ZNF827: variants seen among roughly 807,000 people sequenced by gnomAD.
ZNF827 encodes zinc finger protein 827.
Under a neutral mutation model 102.4 loss-of-function variants are expected in ZNF827, and 13 were observed. The observed-to-expected ratio is 0.13, with a 90% CI of 0.08 to 0.20. The LOEUF (loss-of-function observed/expected upper bound fraction) is 0.20, where lower values mean the gene tolerates loss of function less well. Ranked by LOEUF, ZNF827 falls within the 10% of genes least tolerant of loss-of-function variation. ZNF827 has a pLI of 1.00. For synonymous variants in ZNF827, 523 were observed against 536.2 expected (o/e 0.98, Z 0.34); for missense variants, 1,103 against 1,344.4 (o/e 0.82, Z 2.81).
intron 5 of ZNF827, among the ~76,000 whole-genome samples, chr4:145,857,004 C>CAT (rs1165576085): frequency 4.6e-5 from 7 of 152,314 alleles, no homozygotes; most frequent in Non-Finnish European, 1.5e-5. Context: ...CACACACACA[C>CAT]ACACACTCTT....
intron 7 of ZNF827, among the ~76,000 whole-genome samples, chr4:145,823,935 C>T (rs941519578): frequency 2.0e-5 from 3 of 152,222 alleles, no homozygotes; most frequent in African/African-American, 7.2e-5. Context: ...TATTCTGTCA[C>T]CTGATCCCTC....
chr4:145,798,653 A>G (rs192974491), intron 8 of ZNF827, among the ~76,000 whole-genome samples: 37 of 152,236 alleles, frequency 2.4e-4, no homozygotes, highest in Admixed American at 4.6e-4. Flanking sequence ...GGTGACAAGA[A>G]TAAGATTTGT....
intron 1 of ZNF827, among the ~76,000 whole-genome samples, chr4:145,920,253 G>T (rs1202372447): frequency 6.6e-6 from 1 of 152,204 alleles, no homozygotes; most frequent in African/African-American, 2.4e-5. Flanking sequence ...AAGAAGACAG[G>T]AAACTTCTGG....
chr4:145,844,407 C>T (rs1317554803), intron 7 of ZNF827, among the ~76,000 whole-genome samples: 3 of 149,208 alleles, frequency 2.0e-5, no homozygotes, highest in East Asian at 4.2e-4. Flanking sequence ...GAGCGAATCA[C>T]GGTGGCTCAC....
At chr4:145,863,845 T>C (rs1206585245) in intron 5 of ZNF827, among the ~76,000 whole-genome samples, 1 of 152,172 alleles carries the variant, frequency 6.6e-6, no homozygotes, top group Non-Finnish European at 1.5e-5. Flanking sequence ...ATATACTAAA[T>C]ATCATTGAAT....
chr4:145,783,019 T>G (rs960294934), intron 8 of ZNF827, among the ~76,000 whole-genome samples: 1 of 152,202 alleles, frequency 6.6e-6, no homozygotes, highest in Non-Finnish European at 1.5e-5. Context: ...TTATGAATAT[T>G]TCCGTTGTAC....
At chr4:145,884,552 C>T (rs975463570) in intron 4 of ZNF827, among the ~76,000 whole-genome samples, 1 of 152,136 alleles carries the variant, frequency 6.6e-6, no homozygotes, top group African/African-American at 2.4e-5. Flanking sequence ...CTTTCCCCAC[C>T]CCCTACATCT....
At chr4:145,828,887 C>G (rs569172839) in intron 7 of ZNF827, among the ~76,000 whole-genome samples, 14 of 152,242 alleles carry the variant, frequency 9.2e-5, no homozygotes, top group Non-Finnish European at 1.9e-4. Context: ...TGCTAAGTGC[C>G]TATTGTGACA....
intron 8 of ZNF827, among the ~76,000 whole-genome samples, chr4:145,820,551 T>G (rs72723879): frequency 0.022 from 3,370 of 152,322 alleles, 55 homozygotes; most frequent in Non-Finnish European, 0.035. Context: ...ACCTAGTCAC[T>G]AAAGCCAGCT....
chr4:145,765,083 C>G lies in ZNF827; in HGVS notation c.3135G>C (p.Arg1045=). The change falls in exon 13 of 15, where the codon CGG becomes CGC. Residue 1045 remains arginine (R), a synonymous_variant. Coordinates refer to ENST00000508784, the MANE Select transcript of ZNF827 (RefSeq NM_001306215.2). The surrounding 1 kb of genome is among the most constrained non-coding windows in gnomAD (Gnocchi z 4.7). ...TGTGGCACACATCACACTCAAACAT[C>G]CGGGTGATGAGGTGTATCTGCAGAT... is the stretch of plus-strand genomic sequence containing the variant. The part of the protein sequence containing the change: ...ERHLQIHLIT[R]MFECDVCHKF... The G allele has an allele frequency of 6.2e-7, 1 of 1,614,230 alleles. No individual in the cohort carries two copies. Among genetic ancestry groups the G allele is most frequent in the Non-Finnish European group, 8.5e-7 (1 of 1,180,052 alleles).
At chr4:145,848,939 C>G (rs1406360103) in intron 6 of ZNF827, among the ~76,000 whole-genome samples, 1 of 151,994 alleles carries the variant, frequency 6.6e-6, no homozygotes, top group Non-Finnish European at 1.5e-5. Flanking sequence ...ATTTGGAAGT[C>G]ATAGTAATTC....
intron 1 of ZNF827, among the ~76,000 whole-genome samples, chr4:145,916,770 A>G (rs1752695408): frequency 6.6e-6 from 1 of 152,136 alleles, no homozygotes; most frequent in Admixed American, 6.6e-5. Context: ...TACTATATGA[A>G]GTTAATAGAA....
In ZNF827 at chr4:145,879,841, A is replaced by G. The variant is rs1296815647; in HGVS notation, c.1747+5837T>C. Among the ~76,000 whole-genome samples the G allele has an allele frequency of 1.3e-5, 2 of 152,182 alleles. 1 individual carries two copies. The stretch of plus-strand genomic sequence containing the variant: ...TCCACAACGCACAAGAAGGGCAGAG[A>G]ACAGAGCCGAGTTCCTGTTTTGCTG... On this transcript the variant is annotated intron_variant, in intron 4 of 14. Transcript: ENST00000508784.
chr4:145,905,254 T>C (rs1375422082), intron 1 of ZNF827, among the ~76,000 whole-genome samples: 6 of 152,156 alleles, frequency 3.9e-5, no homozygotes, highest in Non-Finnish European at 8.8e-5. Flanking sequence ...TTGTGCCAAG[T>C]TTTGCCATAT....
Position 145,764,980 on chromosome 4 carries a change from T to C in ZNF827, c.3230+8A>G. The C allele has an allele frequency of 6.2e-7, 1 of 1,611,810 alleles. No homozygotes were observed. The highest frequency in any genetic ancestry group is 8.5e-7 in the Non-Finnish European group (1 of 1,178,760). On this transcript the variant is annotated splice_region_variant and intron_variant, in intron 13 of 14. Coordinates refer to ENST00000508784, the MANE Select transcript of ZNF827 (RefSeq NM_001306215.2). ...CGCAGTAAAAGGTTCTGTACTTGCT[T>C]TCCTTACTTGAGCCCACCGGTGGGG...
At chr4:145,839,112 TTTC>T (rs777633081) in intron 7 of ZNF827, 3 of 152,234 alleles carry the variant, frequency 2.0e-5, no homozygotes, top group Non-Finnish European at 4.4e-5. Context: ...TGTTTAGTAT[TTTC>T]TTCTTTGAAA....
intron 5 of ZNF827, among the ~76,000 whole-genome samples, chr4:145,858,588 G>T (rs1747398654): frequency 6.7e-6 from 1 of 149,350 alleles, no homozygotes; most frequent in African/African-American, 2.5e-5. Context: ...GCTGTAGTGA[G>T]TTGTAATTGT....
chr4:145,811,058 C>G (rs1741960361), intron 8 of ZNF827, among the ~76,000 whole-genome samples: 1 of 150,716 alleles, frequency 6.6e-6, no homozygotes, highest in South Asian at 2.1e-4. Context: ...GTGGCACAAT[C>G]CTGGCTCACT....
intron 8 of ZNF827, among the ~76,000 whole-genome samples, chr4:145,814,244 A>G (rs1742340277): frequency 6.6e-6 from 1 of 152,214 alleles, no homozygotes; most frequent in South Asian, 2.1e-4. Flanking sequence ...GATAAGGGAT[A>G]CTCAACCTGT....
Sources: allele counts gnomAD v4.1 joint callset (sites outside exome capture counted in the v4.1 genomes callset), GRCh38; gene constraint gnomAD v4.1.1; non-coding constraint Gnocchi (gnomAD v3.1); transcripts MANE v1.5; gene names NCBI Gene and HGNC (gene_info 2026-07-23, HGNC 2026-07-21).